Variants in PREP observed in about 807,000 individuals in gnomAD.
PREP encodes the protein dJ355L5.1 (prolyl endopeptidase).
In PREP, 29 loss-of-function variants were observed where a neutral mutation model predicts 87.6. That is an observed-to-expected ratio of 0.33 (90% CI 0.25 to 0.45). The LOEUF (loss-of-function observed/expected upper bound fraction) is 0.45, where lower values mean the gene tolerates loss of function less well. PREP is among the 20% of genes least tolerant of loss of function. The pLI is 1.00. For synonymous variants in PREP, 337 were observed against 328.6 expected (o/e 1.03, Z -0.28); for missense variants, 695 against 886.5 (o/e 0.78, Z 2.74).
At chr6:105,336,271 CATAAA>C (rs1419954461) in intron 7 of PREP, among the ~76,000 whole-genome samples, 1 of 152,160 alleles carries the variant, frequency 6.6e-6, no homozygotes, top group Non-Finnish European at 1.5e-5. Context: ...AGAAAATATA[CATAAA>C]ATAAAATATT....
At chr6:105,375,745 T>C (rs1015203589) in intron 4 of PREP, among the ~76,000 whole-genome samples, 1 of 152,264 alleles carries the variant, frequency 6.6e-6, no homozygotes, top group South Asian at 2.1e-4. Flanking sequence ...TTTAATATTA[T>C]AGTTGGAATA....
At chr6:105,311,405 C>T (rs573674054) in intron 10 of PREP, among the ~76,000 whole-genome samples, 3 of 152,272 alleles carry the variant, frequency 2.0e-5, no homozygotes, top group South Asian at 2.1e-4. Context: ...GTGCTTTGTT[C>T]TCAGGGCCTT....
chr6:105,328,650 G>A lies in PREP; in HGVS notation c.1213+179C>T, dbSNP rs137912160. Among the ~76,000 whole-genome samples, 1,379 of 152,252 alleles carry A rather than the reference G, an allele frequency of 9.1e-3. 18 individuals carry two copies. Among genetic ancestry groups the A allele is most frequent in the Middle Eastern group, 0.034 (10 of 294 alleles). On this transcript the variant is annotated intron_variant, in intron 9 of 14. Coordinates refer to ENST00000652536, the MANE Select transcript of PREP (RefSeq NM_002726.5). ...GATTAATGAGAGTGCCATTTTAGGC[G>A]TTTACATTTCCCTTTGTTCTGGGCA...
Position 105,288,858 on chromosome 6 carries a change from T to C in PREP, c.1354A>G (p.Met452Val), listed in dbSNP as rs145698846. Residue 452 changes from methionine to valine, a missense_variant, in exon 11 of 15, where the codon ATG (methionine) becomes GTG (valine). This residue lies in a region of PREP where 517 missense variants were observed against 620.3 expected (regional missense o/e 0.83). Transcript: ENST00000652536. The stretch of plus-strand genomic sequence containing the variant: ...ATGCCTTTTTTATGCACAATGAACA[T>C]TGGAATCTTCGTACCATCCTTGCTA... Reference protein sequence around the residue: ...YPSKDGTKIPMFIVHKKGIKL... With the variant: ...YPSKDGTKIPVFIVHKKGIKL... The C allele has an allele frequency of 8.9e-5, 143 of 1,613,528 alleles. No homozygotes were observed. The highest frequency in any genetic ancestry group is 1.7e-4 in the Middle Eastern group (1 of 6,060).
rs1208539663 is a variant in PREP, at chr6:105,323,754, A to C, written c.1228T>G (p.Cys410Gly). 21 of 1,612,614 alleles carry C rather than the reference A, an allele frequency of 1.3e-5. No individual in the cohort carries two copies. Among genetic ancestry groups the C allele is most frequent in the Non-Finnish European group, 1.7e-5 (20 of 1,178,712 alleles). ...SFLSPGIIYH[C>G]DLTKEELEPR... is the part of the protein sequence containing the mutation. ...TCCAGCTCCTCTTTGGTAAGATCAC[A>C]GTGATAAATGATACCTAAAAAGTAG... The change falls in exon 10 of 15, where the codon TGT (cysteine) becomes GGT (glycine). Residue 410 changes from cysteine (C) to glycine (G), a missense_variant. Cys to Gly is a radical substitution (Grantham distance 159). This residue lies in a region of PREP where 517 missense variants were observed against 620.3 expected (regional missense o/e 0.83). Coordinates refer to ENST00000652536, the MANE Select transcript of PREP (RefSeq NM_002726.5).
rs913793979 is a variant in PREP at position 105,402,774 on chromosome 6, T to C, written c.45+73A>G. The C allele has an allele frequency of 1.2e-5, 16 of 1,384,108 alleles. No homozygotes were observed. The South Asian group carries it at 1.3e-4, about 12-fold the overall frequency. 85.7% of individuals were successfully genotyped at this position (1,384,108 alleles called of 1,614,324 possible). A position where few individuals can be genotyped will look rare whatever the true frequency, so the allele number is the denominator to read the frequency against. ...GTCGAAGGCCTACAGGAAGAGGAGCTGCGGGTGCCACGGGTCAGGCAGGCT... is the reference window on the plus strand; with the variant it reads ...GTCGAAGGCCTACAGGAAGAGGAGCCGCGGGTGCCACGGGTCAGGCAGGCT... On this transcript the variant is annotated intron_variant, in intron 1 of 14. Transcript: ENST00000652536.
intron 12 of PREP, among the ~76,000 whole-genome samples, chr6:105,282,892 A>G (rs1770113084): frequency 6.6e-6 from 1 of 152,246 alleles, no homozygotes; most frequent in South Asian, 2.1e-4. Flanking sequence ...AAAGGATAGA[A>G]GCATGGCATC....
chr6:105,388,996 G>A (rs1238468652), intron 2 of PREP, among the ~76,000 whole-genome samples: 1 of 152,214 alleles, frequency 6.6e-6, no homozygotes, highest in African/African-American at 2.4e-5. Context: ...AAAAAACAAT[G>A]TTCAGAATGT....
chr6:105,359,373 T>C (rs1772184513), intron 6 of PREP, among the ~76,000 whole-genome samples: 1 of 152,008 alleles, frequency 6.6e-6, no homozygotes. Context: ...GAAAAATGAG[T>C]TCTGAGAAGG....
At chr6:105,368,534 T>C (rs1389418034) in intron 6 of PREP, among the ~76,000 whole-genome samples, 1 of 152,144 alleles carries the variant, frequency 6.6e-6, no homozygotes, top group Non-Finnish European at 1.5e-5. Flanking sequence ...CTTTCCCCCA[T>C]ACTCTCACTT....
intron 10 of PREP, among the ~76,000 whole-genome samples, chr6:105,318,631 CG>C (rs906023033): frequency 6.6e-6 from 1 of 152,124 alleles, no homozygotes; most frequent in Admixed American, 6.5e-5. Flanking sequence ...TGCCATGAAG[CG>C]TAATATCAGA....
chr6:105,280,809 G>A (rs1419940742), intron 14 of PREP: 1 of 152,134 alleles, frequency 6.6e-6, no homozygotes, highest in Non-Finnish European at 1.5e-5. Context: ...CTAAGCTCAA[G>A]TGATCTACCT....
At chr6:105,386,768 C>G (rs1773006701) in intron 2 of PREP, among the ~76,000 whole-genome samples, 1 of 152,166 alleles carries the variant, frequency 6.6e-6, no homozygotes, top group Non-Finnish European at 1.5e-5. Context: ...TCTTGGAAAA[C>G]AGATTTATAC....
chr6:105,328,094 T>C (rs1771219206), intron 9 of PREP, among the ~76,000 whole-genome samples: 1 of 152,182 alleles, frequency 6.6e-6, no homozygotes, highest in Non-Finnish European at 1.5e-5. Context: ...AGACTATACT[T>C]TTAGAATTAC....
At chr6:105,364,135 T>C (rs1468612122) in intron 6 of PREP, among the ~76,000 whole-genome samples, 1 of 152,148 alleles carries the variant, frequency 6.6e-6, no homozygotes, top group Non-Finnish European at 1.5e-5. Flanking sequence ...CTTGGCAAAC[T>C]TGAGCTGGGT....
At chr6:105,297,319 A>G (rs1451844063) in intron 10 of PREP, among the ~76,000 whole-genome samples, 1 of 152,228 alleles carries the variant, frequency 6.6e-6, no homozygotes, top group East Asian at 1.9e-4. Context: ...CATCGGCTAC[A>G]GTGGAGTTGT....
intron 7 of PREP, among the ~76,000 whole-genome samples, chr6:105,341,723 C>A (rs897587065): frequency 6.6e-6 from 1 of 152,188 alleles, no homozygotes; most frequent in South Asian, 2.1e-4. Context: ...ACTGATCCCA[C>A]AGAAATACAA....
rs143844322 is a variant in PREP at position 105,398,491 on chromosome 6, C to A, written c.46-564G>T. ...CAAAAAGCTGACTTAAATGCAATGG[C>A]AAAACATTTTAAAACTAATGCCTTT... is the stretch of plus-strand genomic sequence containing the variant. On this transcript the variant is annotated intron_variant, in intron 1 of 14. Coordinates refer to ENST00000652536, the MANE Select transcript of PREP (RefSeq NM_002726.5). Among the ~76,000 whole-genome samples, 83 of 152,270 alleles carry A rather than the reference C, an allele frequency of 5.5e-4. 1 individual carries two copies. Among genetic ancestry groups the A allele is most frequent in the Admixed American group, 5.4e-3 (83 of 15,292 alleles).
intron 2 of PREP, among the ~76,000 whole-genome samples, chr6:105,378,509 A>G (rs1324672400): frequency 6.6e-6 from 1 of 152,200 alleles, no homozygotes; most frequent in African/African-American, 2.4e-5. Flanking sequence ...TTGCAGAAGA[A>G]TATCAGCAAC....
Sources: allele counts gnomAD v4.1 joint callset (sites outside exome capture counted in the v4.1 genomes callset), GRCh38; gene constraint gnomAD v4.1.1; regional missense constraint gnomAD v4.1.1; transcripts MANE v1.5; gene names NCBI Gene and HGNC (gene_info 2026-07-23, HGNC 2026-07-21).